Variants in POLR1C observed in about 807,000 individuals in gnomAD.
POLR1C encodes DNA-directed RNA polymerases I and III subunit RPAC1.
A neutral mutation model predicts 38.3 loss-of-function variants in POLR1C; 42 were observed. The observed-to-expected ratio is 1.10, with a 90% CI of 0.86 to 1.42. The LOEUF (loss-of-function observed/expected upper bound fraction) is 1.42. Among genes scored for constraint, POLR1C ranks in the 40% most tolerant of loss-of-function variants. POLR1C has a pLI of 0.00. For synonymous variants in POLR1C, 163 were observed against 163.9 expected (o/e 0.99, Z 0.04); for missense variants, 507 against 450.5 (o/e 1.13, Z -1.14).
chr6:43,540,717 A>G (rs1794648988), intron 9 of POLR1C, among the ~76,000 whole-genome samples: 1 of 152,198 alleles, frequency 6.6e-6, no homozygotes, highest in African/African-American at 2.4e-5. Context: ...GTCTCCAGCA[A>G]TGTTCCTGCT....
chr6:43,524,005 T>C, downstream of POLR1C: 1 of 1,612,342 alleles, frequency 6.2e-7, no homozygotes, highest in Non-Finnish European at 8.5e-7. Context: ...CCCAAGGGTT[T>C]CTGTGGAAAA....
At chr6:43,545,018 ATG>A (rs1794896296) in intron 9 of POLR1C, among the ~76,000 whole-genome samples, 1 of 152,038 alleles carries the variant, frequency 6.6e-6, no homozygotes, top group Non-Finnish European at 1.5e-5. Flanking sequence ...GATTACAGGC[ATG>A]TGCCACCATG....
chr6:43,547,760 G>C, intron 9 of POLR1C: 1 of 1,531,304 alleles, frequency 6.5e-7, no homozygotes, highest in Non-Finnish European at 9.0e-7. Context: ...AACAAGGACA[G>C]TTTCTTCCAC....
Position 43,519,818 on chromosome 6 carries a change from T to G in POLR1C, c.362T>G (p.Leu121Arg). Residue 121 changes from leucine (L) to arginine (R), a missense_variant, in exon 4 of 9, where the codon CTT becomes CGT. Coordinates refer to ENST00000642195, the MANE Select transcript of POLR1C (RefSeq NM_203290.4). ...GLIPIHADPR[L>R]FEYRNQGDEE... is the part of the protein sequence containing the mutation. ...ATTCCCATTCATGCTGATCCCCGTC[T>G]TTTTGAGTATCGGAACCAAGGTGAG... 1 of 1,614,210 alleles carries G rather than the reference T, an allele frequency of 6.2e-7. No individual in the cohort carries two copies. Among genetic ancestry groups the G allele is most frequent in the Non-Finnish European group, 8.5e-7 (1 of 1,180,032 alleles).
Position 43,521,293 on chromosome 6 carries a change from T to C in POLR1C, c.1034T>C (p.Met345Thr). 1 of 1,612,292 alleles carries C rather than the reference T, an allele frequency of 6.2e-7. No homozygotes were observed. The highest frequency in any genetic ancestry group is 8.5e-7 in the Non-Finnish European group (1 of 1,179,996). ...RFLDELDAVQ[M>T]D Reference sequence around the variant, plus strand: ...TTGGATGAACTAGATGCGGTTCAGATGGACTGAGCTTGGATGCTTCTGAGG... The same window carrying C: ...TTGGATGAACTAGATGCGGTTCAGACGGACTGAGCTTGGATGCTTCTGAGG... The change falls in exon 9 of 9, where the codon ATG (methionine) becomes ACG (threonine). Residue 345 changes from methionine (M) to threonine (T), a missense_variant. Transcript: ENST00000642195.
At chr6:43,538,709 G>A (rs1485105590) in intron 9 of POLR1C, 4 of 474,732 alleles carry the variant, frequency 8.4e-6, no homozygotes, top group Non-Finnish European at 1.5e-5. Flanking sequence ...TACTGTTAAT[G>A]TCTGGTTTTG....
chr6:43,526,653 G>C, intron 8 of POLR1C: 2 of 1,612,378 alleles, frequency 1.2e-6, no homozygotes, highest in Non-Finnish European at 1.7e-6. Flanking sequence ...GAGGCTAAGA[G>C]CAGAACTCCA....
chr6:43,531,526 G>A (rs149690088), downstream of POLR1C: 263 of 1,613,924 alleles, frequency 1.6e-4, 1 homozygote, highest in African/African-American at 2.8e-3. Context: ...TTTCCAAGAC[G>A]GTTTTGAAGA....
downstream of POLR1C, chr6:43,525,857 T>C: frequency 1.2e-6 from 2 of 1,613,988 alleles, no homozygotes; most frequent in Non-Finnish European, 1.7e-6. Flanking sequence ...TCATCAGACA[T>C]TTGCCCAGGT....
At chr6:43,560,094 T>C (rs1394738145) in intron 10 of POLR1C, 13 of 1,483,860 alleles carry the variant, frequency 8.8e-6, no homozygotes, top group South Asian at 2.6e-5. Context: ...GCTGGGATTA[T>C]AGGCGTGAGC....
At chr6:43,560,031 C>T in intron 10 of POLR1C, 1 of 964,936 alleles carries the variant, frequency 1.0e-6, no homozygotes, top group Non-Finnish European at 1.5e-6. Context: ...GTCGCACAGG[C>T]TGGTCTCCAA....
downstream of POLR1C, chr6:43,533,788 T>C (rs113293461): frequency 4.9e-6 from 3 of 615,468 alleles, no homozygotes; most frequent in South Asian, 5.6e-5. Context: ...TGAGCTATGG[T>C]TGCACCAGTG....
intron 10 of POLR1C, chr6:43,551,075 A>T (rs1411502883): frequency 2.8e-6 from 1 of 361,114 alleles, no homozygotes; most frequent in Non-Finnish European, 4.9e-6. Flanking sequence ...TGCCTCACAT[A>T]ATTTTAAAAA....
At chr6:43,530,625 T>C (rs760555003), downstream of POLR1C, 2 of 1,567,986 alleles carry the variant, frequency 1.3e-6, no homozygotes, top group South Asian at 1.1e-5. Flanking sequence ...TGCTGTGACC[T>C]GTTTTGTTTC....
chr6:43,533,319 T>C (rs1454343425), downstream of POLR1C: 3 of 152,438 alleles, frequency 2.0e-5, no homozygotes, highest in African/African-American at 7.3e-5. Context: ...GATTTATTTA[T>C]AATTGAATGG....
chr6:43,553,005 A>G (rs1408371298), intron 10 of POLR1C, among the ~76,000 whole-genome samples: 1 of 152,054 alleles, frequency 6.6e-6, no homozygotes, highest in African/African-American at 2.4e-5. Flanking sequence ...ACATCCATAG[A>G]TTTTCCTATT....
rs760951790 is a variant in POLR1C at position 43,520,189 on chromosome 6, A to C, written c.502+4A>C. ...GAACTGTACGTGAACCACAAAGGTG[A>C]GTAGTGGTAGGGTGAGGAAGAGGCC... On this transcript the variant is annotated splice_donor_region_variant and intron_variant, in intron 5 of 8. Transcript: ENST00000642195. 2 of 1,614,060 alleles carry C rather than the reference A, an allele frequency of 1.2e-6. No individual in the cohort carries two copies. The highest frequency in any genetic ancestry group is 1.7e-6 in the Non-Finnish European group (2 of 1,180,042).
rs1003747718 is a variant in POLR1C, at chr6:43,527,139, A to C, written c.923-2110A>C. 8.3e-5 allele frequency: 19 copies of C among 229,902 alleles called. No individual in the cohort carries two copies. The Admixed American group carries it at 8.6e-4, about 10-fold the overall frequency. The allele number at this position is 229,902 out of a possible 1,614,324, so 14.2% of individuals were successfully genotyped here. ...TTGACAAAACTAGGAAGTTATTCCT[A>C]ATGAATCCAAATTCCTTCTGCTATT... On this transcript the variant is annotated intron_variant, in intron 8 of 8. Coordinates refer to the POLR1C transcript ENST00000304004.
intron 10 of POLR1C, chr6:43,551,114 G>T: frequency 2.1e-6 from 1 of 478,846 alleles, no homozygotes; most frequent in Non-Finnish European, 3.5e-6. Flanking sequence ...GCCTAGGCCA[G>T]GCATGGTTGT....
Sources: allele counts gnomAD v4.1 joint callset (sites outside exome capture counted in the v4.1 genomes callset), GRCh38; gene constraint gnomAD v4.1.1; transcripts MANE v1.5; gene names NCBI Gene and HGNC (gene_info 2026-07-23, HGNC 2026-07-21).